Variants in USP54 observed in about 807,000 individuals in gnomAD.
USP54 encodes the protein ubiquitin carboxyl-terminal hydrolase 54.
USP54 carries 87 observed loss-of-function variants against 170.5 expected under a neutral mutation model. That is an observed-to-expected ratio of 0.51 (90% CI 0.43 to 0.61). The LOEUF (loss-of-function observed/expected upper bound fraction) is 0.61. Ranked by LOEUF, USP54 falls within the 20% of genes least tolerant of loss-of-function variation. The probability of loss-of-function intolerance (pLI) is 0.00; values close to 1 mark genes in which losing one functional copy is unlikely to be tolerated. For missense variants in USP54, 1,786 were observed against 2,047.8 expected (o/e 0.87, Z 2.47); for synonymous variants, 655 against 742.8 (o/e 0.88, Z 1.92).
At chr10:73,566,369 T>A (rs1564852436) in intron 4 of USP54, among the ~76,000 whole-genome samples, 2 of 152,174 alleles carry the variant, frequency 1.3e-5, no homozygotes, top group African/African-American at 4.8e-5. Flanking sequence ...CCATTTACAA[T>A]GAAGTCTCAA....
intron 1 of USP54, among the ~76,000 whole-genome samples, chr10:73,590,490 C>CA (rs983363227): frequency 7.9e-5 from 12 of 151,138 alleles, no homozygotes; most frequent in East Asian, 7.8e-4. Context: ...ATCCAGTATC[C>CA]AAAAAAAAAT....
intron 12 of USP54, among the ~76,000 whole-genome samples, chr10:73,531,917 G>C (rs141215479): frequency 2.0e-5 from 3 of 152,178 alleles, no homozygotes; most frequent in African/African-American, 7.2e-5. Flanking sequence ...GATGAATTAA[G>C]CAGGTAAATT....
chr10:73,545,760 G>A, intron 4 of USP54, 88 bp from the exon 5 acceptor site: 4 of 1,486,784 alleles, frequency 2.7e-6, no homozygotes, highest in Non-Finnish European at 3.6e-6. Flanking sequence ...GCATCTCCAT[G>A]ATGATAGCTA....
At position 73,498,493 on chromosome 10, in the gene USP54, C is replaced by G; in HGVS notation, c.*136G>C. On this transcript the variant is annotated 3_prime_UTR_variant, in exon 24 of 24. Coordinates refer to ENST00000687698, the MANE Select transcript of USP54 (RefSeq NM_001391956.1). ...GTTTCACCATGTTGGCCAGGATGGT[C>G]TCAATCTCCTGACCTCGTGATCCAC... The G allele has an allele frequency of 2.5e-6, 2 of 795,480 alleles. No homozygotes were observed. The highest frequency in any genetic ancestry group is 3.7e-6 in the Non-Finnish European group (2 of 541,090). The allele number at this position is 795,480 out of a possible 1,614,324, so 49.3% of individuals were successfully genotyped here.
intron 4 of USP54, among the ~76,000 whole-genome samples, chr10:73,550,343 G>A (rs2068969854): frequency 2.0e-5 from 3 of 152,082 alleles, no homozygotes; most frequent in African/African-American, 7.2e-5. Flanking sequence ...AGATATGTAT[G>A]GCTCAATCAC....
chr10:73,591,642 A>G (rs960814762), upstream of USP54: 5 of 152,224 alleles, frequency 3.3e-5, no homozygotes. Flanking sequence ...GCTTAAGAAA[A>G]ACAATTATGA....
chr10:73,561,865 G>A (rs1296669541), intron 4 of USP54, among the ~76,000 whole-genome samples: 1 of 152,052 alleles, frequency 6.6e-6, no homozygotes, highest in Non-Finnish European at 1.5e-5. Context: ...CTGGAAAAAA[G>A]TAATCTTTTT....
At chr10:73,618,658 G>A (rs149858468) in intron 1 of USP54, among the ~76,000 whole-genome samples, 5,644 of 147,592 alleles carry the variant, frequency 0.038, 749 homozygotes, top group African/African-American at 0.13. Flanking sequence ...AAGGAGAATC[G>A]CTTGACCCAG....
At chr10:73,546,026 C>T (rs1052205889) in intron 4 of USP54, among the ~76,000 whole-genome samples, 57 of 152,258 alleles carry the variant, frequency 3.7e-4, no homozygotes, top group African/African-American at 1.3e-3. Flanking sequence ...TAAACGTTAT[C>T]AACAAATTAT....
At chr10:73,553,114 T>C (rs1393756900) in intron 4 of USP54, 1 of 152,176 alleles carries the variant, frequency 6.6e-6, no homozygotes, top group Non-Finnish European at 1.5e-5. Context: ...GGAAAGGTCT[T>C]AAGGTCAGAG....
At chr10:73,618,318 A>G (rs2080813146) in intron 1 of USP54, among the ~76,000 whole-genome samples, 2 of 150,558 alleles carry the variant, frequency 1.3e-5, no homozygotes, top group South Asian at 4.1e-4. Flanking sequence ...GCTGGAGTGT[A>G]GTGGCATGAT....
At position 73,523,606 on chromosome 10, in the gene USP54, T is replaced by C. The variant is rs1339629923; in HGVS notation, c.2339A>G (p.Asp780Gly). 1 of 1,608,956 alleles carries C rather than the reference T, an allele frequency of 6.2e-7. No individual in the cohort carries two copies. Among genetic ancestry groups the C allele is most frequent in the Non-Finnish European group, 8.5e-7 (1 of 1,176,324 alleles). ...ACCCTGATTCTGCAGTTCATCCAAG[T>C]CCATGAAGCGGCTAGGATGAGGGTT... ...GFNPHPSRFM[D>G]LDELQNQGRS... The change falls in exon 17 of 24, where the codon GAC becomes GGC. Residue 780 changes from aspartate (D) to glycine (G), a missense_variant. Around this residue, in one of 3 missense-constraint regions of USP54, gnomAD observed 1,418 missense variants for 1,569.0 expected, o/e 0.90. Coordinates refer to ENST00000687698, the MANE Select transcript of USP54 (RefSeq NM_001391956.1).
chr10:73,520,193 G>A, intron 18 of USP54: 1 of 679,686 alleles, frequency 1.5e-6, no homozygotes, highest in South Asian at 2.0e-5. Context: ...AAGCCATGGA[G>A]GCCAAACAGG....
At chr10:73,554,306 CA>C (rs2070405565) in intron 4 of USP54, among the ~76,000 whole-genome samples, 1 of 152,190 alleles carries the variant, frequency 6.6e-6, no homozygotes, top group Admixed American at 6.5e-5. Context: ...GCCATTAACT[CA>C]ATTCTTAGGG....
intron 1 of USP54, among the ~76,000 whole-genome samples, chr10:73,600,489 G>C (rs1415447560): frequency 1.3e-5 from 2 of 152,056 alleles, no homozygotes; most frequent in African/African-American, 4.8e-5. Context: ...GGTACATCAG[G>C]TCAATATTAT....
intron 4 of USP54, chr10:73,546,682 T>C (rs2067912017): frequency 6.6e-6 from 1 of 152,326 alleles, no homozygotes; most frequent in Non-Finnish European, 1.5e-5. Flanking sequence ...TTTTACTTGT[T>C]GTTTTTTGTT....
intron 1 of USP54, among the ~76,000 whole-genome samples, chr10:73,600,170 A>C (rs1480082352): frequency 6.6e-6 from 1 of 152,140 alleles, no homozygotes; most frequent in African/African-American, 2.4e-5. Flanking sequence ...AAGTGCTGGG[A>C]TTACACTTGT....
intron 22 of USP54, among the ~76,000 whole-genome samples, chr10:73,503,460 T>C (rs757536733): frequency 3.3e-4 from 50 of 151,694 alleles, no homozygotes; most frequent in Non-Finnish European, 4.7e-4. Context: ...TATTTATTTG[T>C]TTATTTTTGT....
chr10:73,543,370 G>GT (rs1444665939), intron 5 of USP54, among the ~76,000 whole-genome samples: 4 of 151,588 alleles, frequency 2.6e-5, no homozygotes, highest in Non-Finnish European at 4.4e-5. Flanking sequence ...TTTTTTGTTT[G>GT]TTTTTTTGTT....
Sources: allele counts gnomAD v4.1 joint callset (sites outside exome capture counted in the v4.1 genomes callset), GRCh38; gene constraint gnomAD v4.1.1; regional missense constraint gnomAD v4.1.1; transcripts MANE v1.5; gene names NCBI Gene and HGNC (gene_info 2026-07-23, HGNC 2026-07-21).